The following ATP8A2 variants were observed in gnomAD, a reference collection of about 807,000 sequenced individuals.
The protein encoded by ATP8A2 is phospholipid-transporting ATPase IB.
A neutral mutation model predicts 165.6 loss-of-function variants in ATP8A2; 100 were observed. The observed-to-expected ratio is 0.60, with a 90% CI of 0.51 to 0.71. The LOEUF (loss-of-function observed/expected upper bound fraction) is 0.71, where lower values mean the gene tolerates loss of function less well. Among genes scored for constraint, ATP8A2 ranks in the 30% least tolerant of loss-of-function variants. The probability of loss-of-function intolerance (pLI) is 0.00; values close to 1 mark genes in which losing one functional copy is unlikely to be tolerated. For missense variants in ATP8A2, 1,227 were observed against 1,479.5 expected (o/e 0.83, Z 2.80); for synonymous variants, 543 against 548.8 (o/e 0.99, Z 0.15).
chr13:25,437,844 A>G (rs1038763878), intron 1 of ATP8A2, among the ~76,000 whole-genome samples: 3 of 152,198 alleles, frequency 2.0e-5, no homozygotes, highest in Non-Finnish European at 4.4e-5. Flanking sequence ...CAAATTTTAA[A>G]CAAATTGATA....
At chr13:25,404,248 C>T (rs2033728059) in intron 1 of ATP8A2, among the ~76,000 whole-genome samples, 1 of 152,102 alleles carries the variant, frequency 6.6e-6, no homozygotes. Context: ...GGGTGGCAAG[C>T]ATGACCAAAG....
At chr13:25,994,012 A>G (rs1431582610) in intron 35 of ATP8A2, among the ~76,000 whole-genome samples, 2 of 152,116 alleles carry the variant, frequency 1.3e-5, no homozygotes, top group Non-Finnish European at 2.9e-5. Context: ...GATTTCTTTC[A>G]TCAGCATTGT....
At chr13:25,643,450 A>T (rs973506316) in intron 24 of ATP8A2, among the ~76,000 whole-genome samples, 3 of 152,018 alleles carry the variant, frequency 2.0e-5, no homozygotes, top group African/African-American at 7.2e-5. Context: ...TCTACCATTT[A>T]TATATGGTAA....
intron 7 of ATP8A2, among the ~76,000 whole-genome samples, chr13:25,539,461 A>G (rs1028663716): frequency 6.6e-6 from 1 of 151,734 alleles, no homozygotes; most frequent in Non-Finnish European, 1.5e-5. Context: ...TTTAGCTGAC[A>G]TCATGTTTCC....
chr13:25,899,520 G>A (rs925897572), intron 33 of ATP8A2, among the ~76,000 whole-genome samples: 2 of 152,190 alleles, frequency 1.3e-5, no homozygotes, highest in Non-Finnish European at 2.9e-5. Context: ...CCTGCAGATG[G>A]CAGGGATAAT....
intron 1 of ATP8A2, among the ~76,000 whole-genome samples, chr13:25,378,122 A>T (rs921969585): frequency 6.6e-6 from 1 of 152,036 alleles, no homozygotes; most frequent in Non-Finnish European, 1.5e-5. Context: ...CTCTAAAGAA[A>T]AAAAAAAAGA....
chr13:25,461,811 G>A (rs1231861147), intron 1 of ATP8A2, among the ~76,000 whole-genome samples: 6 of 151,252 alleles, frequency 4.0e-5, no homozygotes, highest in African/African-American at 7.3e-5. Context: ...TGGTTTTTAC[G>A]TTTTTAAAGA....
intron 33 of ATP8A2, among the ~76,000 whole-genome samples, chr13:25,899,559 G>A (rs566723959): frequency 2.6e-5 from 4 of 152,110 alleles, no homozygotes; most frequent in Non-Finnish European, 4.4e-5. Flanking sequence ...CCACTATCTC[G>A]ACTGAGATTG....
intron 28 of ATP8A2, among the ~76,000 whole-genome samples, chr13:25,828,472 C>A (rs1006335466): frequency 6.6e-6 from 1 of 152,220 alleles, no homozygotes; most frequent in Non-Finnish European, 1.5e-5. Flanking sequence ...TTACTACATG[C>A]CTGTGCAACA....
Position 25,968,565 on chromosome 13 carries a change from C to T in ATP8A2, c.3273-10C>T, listed in dbSNP as rs779144031. 6.8e-6 allele frequency: 11 copies of T among 1,611,676 alleles called. No individual in the cohort carries two copies. The highest frequency in any genetic ancestry group is 8.5e-6 in the Non-Finnish European group (10 of 1,178,954). On this transcript the variant is annotated splice_polypyrimidine_tract_variant and intron_variant, in intron 34 of 36. Transcript: ENST00000381655. The stretch of plus-strand genomic sequence containing the variant: ...TGCCATGTTCGTTTTGTCTTTTCCT[C>T]ATAACACAGAGCCAAGCACACCTGC...
intron 1 of ATP8A2, among the ~76,000 whole-genome samples, chr13:25,390,238 C>T (rs957981241): frequency 2.0e-5 from 3 of 152,210 alleles, no homozygotes; most frequent in Non-Finnish European, 2.9e-5. Flanking sequence ...AAGTGATCCA[C>T]CCACCTCGGC....
intron 24 of ATP8A2, among the ~76,000 whole-genome samples, chr13:25,648,612 C>T (rs1285595271): frequency 2.0e-5 from 3 of 152,118 alleles, no homozygotes; most frequent in Admixed American, 2.0e-4. Context: ...TGCAGTGAGC[C>T]TAGATCACGT....
Position 25,514,091 on chromosome 13 carries a change from TG to T in ATP8A2, c.222-15907del, listed in dbSNP as rs1463707849. 5.3e-5 allele frequency among the ~76,000 whole-genome samples: 8 copies of T among 152,192 alleles called. No homozygotes were observed. In the East Asian group the frequency reaches 5.8e-4, roughly 11 times the overall value. On this transcript the variant is annotated intron_variant, in intron 2 of 36. Coordinates refer to ENST00000381655, the MANE Select transcript of ATP8A2 (RefSeq NM_016529.6). Reference sequence around the variant, plus strand: ...ATTAAGTCTCTTTTATTTTGCATCTTGTTTTTTTGGTTTTACTTTTTGGAAA... The same window carrying T: ...ATTAAGTCTCTTTTATTTTGCATCTTTTTTTTTGGTTTTACTTTTTGGAAA...
intron 30 of ATP8A2, among the ~76,000 whole-genome samples, chr13:25,841,227 C>T (rs934785397): frequency 5.9e-5 from 9 of 152,334 alleles, no homozygotes; most frequent in African/African-American, 2.2e-4. Context: ...GATGTAGACT[C>T]CCAGCAGTTG....
At chr13:25,853,242 A>T (rs987973898) in intron 30 of ATP8A2, among the ~76,000 whole-genome samples, 5 of 151,796 alleles carry the variant, frequency 3.3e-5, no homozygotes, top group African/African-American at 9.7e-5. Context: ...TACCTCAAAA[A>T]TTAACCGGGT....
chr13:25,465,691 CTTT>C lies in ATP8A2; in HGVS notation c.77-3285_77-3283del, dbSNP rs1440375733. 2.4e-3 allele frequency among the ~76,000 whole-genome samples: 41 copies of C among 17,208 alleles called. 1 individual carries two copies. Among genetic ancestry groups the C allele is most frequent in the African/African-American group, 6.1e-3 (41 of 6,730 alleles). 11.3% of individuals were successfully genotyped at this position (17,208 alleles called of 152,430 possible). A position where few individuals can be genotyped will look rare whatever the true frequency, so the allele number is the denominator to read the frequency against. ...TCTTTCTTTCTTTCTTTCTTTCTTTCTTTCTTTCTTTCTTTCTTTCTTTCTTTC... is the reference window on the plus strand; with the variant it reads ...TCTTTCTTTCTTTCTTTCTTTCTTTCCTTTCTTTCTTTCTTTCTTTCTTTC... On this transcript the variant is annotated intron_variant, in intron 1 of 36. Coordinates refer to ENST00000381655, the MANE Select transcript of ATP8A2 (RefSeq NM_016529.6).
chr13:25,774,261 G>T (rs756084703), intron 26 of ATP8A2, among the ~76,000 whole-genome samples: 1 of 152,158 alleles, frequency 6.6e-6, no homozygotes, highest in Non-Finnish European at 1.5e-5. Flanking sequence ...CCTTTGCAGA[G>T]ACTTGGATGG....
At chr13:25,991,072 G>T (rs1365632853) in intron 35 of ATP8A2, among the ~76,000 whole-genome samples, 1 of 152,160 alleles carries the variant, frequency 6.6e-6, no homozygotes, top group Non-Finnish European at 1.5e-5. Context: ...GGTCAGAACG[G>T]CTCTGCCTGA....
At chr13:25,832,714 A>G (rs1195216532) in intron 28 of ATP8A2, among the ~76,000 whole-genome samples, 1 of 152,218 alleles carries the variant, frequency 6.6e-6, no homozygotes, top group African/African-American at 2.4e-5. Flanking sequence ...AATTCAGACC[A>G]TTTACAAAAA....
Sources: allele counts gnomAD v4.1 joint callset (sites outside exome capture counted in the v4.1 genomes callset), GRCh38; gene constraint gnomAD v4.1.1; transcripts MANE v1.5; gene names NCBI Gene and HGNC (gene_info 2026-07-23, HGNC 2026-07-21).